The following POM121C variants were observed in gnomAD, a reference collection of about 807,000 sequenced individuals.
POM121C encodes POM121 transmembrane nucleoporin C.
In POM121C, 20 loss-of-function variants were observed where a neutral mutation model predicts 66.4. That is an observed-to-expected ratio of 0.30 (90% CI 0.21 to 0.44). The LOEUF (loss-of-function observed/expected upper bound fraction) is 0.44, where lower values mean the gene tolerates loss of function less well. POM121C is among the 20% of genes least tolerant of loss of function. The pLI, the probability that POM121C is intolerant of heterozygous loss-of-function variation, is 1.00. For missense variants in POM121C, 580 were observed against 1,225.7 expected (o/e 0.47, Z 7.87); for synonymous variants, 286 against 528.0 (o/e 0.54, Z 6.28).
chr7:75,480,004 G>A (rs1238945806), intron 1 of POM121C, among the ~76,000 whole-genome samples: 18 of 149,888 alleles, frequency 1.2e-4, no homozygotes, highest in South Asian at 2.1e-4. Flanking sequence ...CAAAGACAAC[G>A]GACTATAACC....
rs1790614555 is a variant in POM121C, at chr7:75,440,821, T to C, written c.227+133A>G. 41 of 1,472,330 alleles carry C rather than the reference T, an allele frequency of 2.8e-5. No homozygotes were observed. The South Asian group carries it at 4.7e-4, about 17-fold the overall frequency. The allele number at this position is 1,472,330 out of a possible 1,614,324, so 91.2% of individuals were successfully genotyped here. Reference sequence around the variant, plus strand: ...AAACCCTTGTTATTAGGTTCTCTCATGAAAGCCAAAGAAGGAGGCCTATGA... The same window carrying C: ...AAACCCTTGTTATTAGGTTCTCTCACGAAAGCCAAAGAAGGAGGCCTATGA... On this transcript the variant is annotated intron_variant, in intron 5 of 14. Coordinates refer to ENST00000615331, the MANE Select transcript of POM121C (RefSeq NM_001099415.3).
At chr7:75,427,226 C>A (rs2116349241) in intron 7 of POM121C, among the ~76,000 whole-genome samples, 1 of 152,076 alleles carries the variant, frequency 6.6e-6, no homozygotes, top group East Asian at 1.9e-4. Flanking sequence ...GAGATGGAGA[C>A]CATCTTGGCT....
chr7:75,467,003 G>C (rs1214837362), intron 3 of POM121C, among the ~76,000 whole-genome samples: 2 of 152,232 alleles, frequency 1.3e-5, no homozygotes, highest in African/African-American at 4.8e-5. Context: ...CAGAGAACGA[G>C]CTAAATCAGA....
At chr7:75,452,724 T>C (rs1215670760) in intron 3 of POM121C, among the ~76,000 whole-genome samples, 1 of 152,190 alleles carries the variant, frequency 6.6e-6, no homozygotes, top group Non-Finnish European at 1.5e-5. Flanking sequence ...AGTACCAAGC[T>C]ACCTAAAGTT....
intron 3 of POM121C, among the ~76,000 whole-genome samples, chr7:75,454,044 G>A (rs1378950208): frequency 2.6e-5 from 4 of 152,250 alleles, no homozygotes; most frequent in African/African-American, 9.6e-5. Context: ...CTATCTCATA[G>A]CGTCGCTTCT....
At chr7:75,432,851 G>C (rs1227951189) in intron 7 of POM121C, among the ~76,000 whole-genome samples, 1 of 152,172 alleles carries the variant, frequency 6.6e-6, no homozygotes, top group Non-Finnish European at 1.5e-5. Context: ...TGGAGACTCG[G>C]ATCGCTGGGA....
intron 6 of POM121C, among the ~76,000 whole-genome samples, chr7:75,438,365 G>T (rs1790496806): frequency 1.3e-5 from 2 of 152,128 alleles, no homozygotes; most frequent in African/African-American, 4.8e-5. Context: ...TTCTTTCAAG[G>T]GACAGTCCTT....
chr7:75,468,095 G>GCA (rs1554478107), intron 3 of POM121C, among the ~76,000 whole-genome samples: 1 of 127,346 alleles, frequency 7.9e-6, no homozygotes, highest in African/African-American at 2.8e-5. Flanking sequence ...TGGCACAACT[G>GCA]CACCCCAACC....
intron 1 of POM121C, among the ~76,000 whole-genome samples, chr7:75,485,185 T>A (rs1305374262): frequency 2.0e-5 from 3 of 152,116 alleles, no homozygotes; most frequent in South Asian, 4.2e-4. Flanking sequence ...TAAAATAAAA[T>A]AAGCCATAGG....
intron 7 of POM121C, among the ~76,000 whole-genome samples, chr7:75,434,482 G>T (rs1554472836): frequency 2.0e-5 from 3 of 151,722 alleles, no homozygotes; most frequent in Non-Finnish European, 4.4e-5. Context: ...TTGCCATGTT[G>T]GTCAGGCTGG....
chr7:75,478,647 A>G (rs587717308), intron 1 of POM121C, among the ~76,000 whole-genome samples: 2 of 151,760 alleles, frequency 1.3e-5, no homozygotes, highest in South Asian at 4.2e-4. Flanking sequence ...ATTATACTGG[A>G]AAAGATGAAC....
At chr7:75,421,045 G>A (rs1239306136) in intron 13 of POM121C, 77 of 259,494 alleles carry the variant, frequency 3.0e-4, no homozygotes, top group African/African-American at 4.3e-4. Flanking sequence ...CATGATCTTC[G>A]CTCACTGCCA....
intron 5 of POM121C, 43 bp from the exon 6 acceptor site, chr7:75,439,267 T>C: frequency 6.2e-7 from 1 of 1,608,152 alleles, no homozygotes; most frequent in Non-Finnish European, 8.5e-7. Flanking sequence ...GACATGACTT[T>C]GTTTGTCCCT....
intron 7 of POM121C, among the ~76,000 whole-genome samples, 190 bp downstream of exon 7, chr7:75,437,325 A>G (rs1172854045): frequency 6.6e-6 from 1 of 152,186 alleles, no homozygotes; most frequent in Non-Finnish European, 1.5e-5. Flanking sequence ...ATTTCTTTAA[A>G]GATTCTTTTG....
chr7:75,434,914 G>A (rs1366798167), intron 7 of POM121C, among the ~76,000 whole-genome samples: 1 of 152,040 alleles, frequency 6.6e-6, no homozygotes, highest in Non-Finnish European at 1.5e-5. Context: ...TAAAAGCCCA[G>A]AGCTACAATA....
At chr7:75,454,365 A>G (rs1791132581) in intron 3 of POM121C, among the ~76,000 whole-genome samples, 1 of 152,272 alleles carries the variant, frequency 6.6e-6, no homozygotes, top group African/African-American at 2.4e-5. Flanking sequence ...GAGAGGAATC[A>G]ATGAGACTGG....
intron 3 of POM121C, among the ~76,000 whole-genome samples, chr7:75,457,898 G>C (rs1225327085): frequency 1.1e-3 from 167 of 152,238 alleles, no homozygotes; most frequent in African/African-American, 3.2e-3. Flanking sequence ...TTTTCTTTTA[G>C]AACAGGAGTG....
chr7:75,431,342 G>A (rs1554472320), intron 7 of POM121C, among the ~76,000 whole-genome samples: 1 of 151,986 alleles, frequency 6.6e-6, no homozygotes, highest in African/African-American at 2.4e-5. Context: ...AGTGGCTCAC[G>A]CCTGTAATCC....
intron 5 of POM121C, among the ~76,000 whole-genome samples, chr7:75,439,583 C>T (rs1790550828): frequency 6.6e-6 from 1 of 152,116 alleles, no homozygotes; most frequent in African/African-American, 2.4e-5. Context: ...GCGAGGGCTC[C>T]CTATGTTGCC....
Sources: gnomAD v4.1 joint callset for allele counts (sites outside exome capture counted in the v4.1 genomes callset) on GRCh38, gnomAD v4.1.1 for gene constraint, MANE v1.5 for transcripts, NCBI Gene and HGNC (gene_info 2026-07-23, HGNC 2026-07-21) for gene names.